Variants in ZNF804A observed in about 807,000 individuals in gnomAD.
The protein encoded by ZNF804A is zinc finger protein 804A.
In ZNF804A, 2 loss-of-function variants were observed where a neutral mutation model predicts 16.5. The ratio of observed to expected loss-of-function variants is 0.12; its 90% CI spans 0.05 to 0.38. ZNF804A has a LOEUF of 0.38. ZNF804A is among the 10% of genes least tolerant of loss of function. ZNF804A has a pLI of 0.99. For missense variants in ZNF804A, 1,473 were observed against 1,390.7 expected, an observed-to-expected ratio of 1.06 and a Z score of -0.94; for synonymous variants, 534 against 489.6, an observed-to-expected ratio of 1.09 and a Z score of -1.20.
At chr2:184,645,182 T>C (rs1385113505) in intron 1 of ZNF804A, among the ~76,000 whole-genome samples, 1 of 152,134 alleles carries the variant, frequency 6.6e-6, no homozygotes, top group African/African-American at 2.4e-5. Flanking sequence ...ATTATTTCTA[T>C]AGTTTCATTT....
chr2:184,797,725 A>T (rs1694655616), intron 1 of ZNF804A, among the ~76,000 whole-genome samples: 1 of 152,040 alleles, frequency 6.6e-6, no homozygotes, highest in Non-Finnish European at 1.5e-5. Context: ...TGCATTCATC[A>T]TGCTATTTGT....
At chr2:184,915,348 G>GTA (rs1339619399) in intron 2 of ZNF804A, among the ~76,000 whole-genome samples, 1 of 151,940 alleles carries the variant, frequency 6.6e-6, no homozygotes, top group Non-Finnish European at 1.5e-5. Context: ...TAGCTGCAAG[G>GTA]TATATCTATA....
intron 1 of ZNF804A, among the ~76,000 whole-genome samples, chr2:184,747,586 T>C (rs1574192979): frequency 1.3e-5 from 2 of 151,298 alleles, no homozygotes; most frequent in African/African-American, 4.8e-5. Context: ...TAATTTAATG[T>C]CATAATTTCT....
intron 1 of ZNF804A, among the ~76,000 whole-genome samples, chr2:184,767,056 G>A (rs1470191126): frequency 6.6e-6 from 1 of 152,134 alleles, no homozygotes; most frequent in Non-Finnish European, 1.5e-5. Context: ...ACAAGCCAAG[G>A]AGAAAGGTCT....
At chr2:184,626,581 A>G (rs547835270) in intron 1 of ZNF804A, among the ~76,000 whole-genome samples, 1 of 152,302 alleles carries the variant, frequency 6.6e-6, no homozygotes, top group South Asian at 2.1e-4. Context: ...CAAGTAAATT[A>G]TTATGTTTAT....
intron 1 of ZNF804A, among the ~76,000 whole-genome samples, chr2:184,628,337 G>T (rs1326123772): frequency 2.6e-5 from 4 of 151,652 alleles, no homozygotes; most frequent in Non-Finnish European, 5.9e-5. Context: ...AGAAAAAAAA[G>T]GTGTAAAGAA....
intron 2 of ZNF804A, among the ~76,000 whole-genome samples, chr2:184,894,932 A>T (rs1272426597): frequency 6.6e-6 from 1 of 151,046 alleles, no homozygotes; most frequent in African/African-American, 2.4e-5. Context: ...TGACTTCGTG[A>T]TCCCCCCACG....
At chr2:184,833,265 T>C (rs1327694843) in intron 1 of ZNF804A, among the ~76,000 whole-genome samples, 1 of 152,178 alleles carries the variant, frequency 6.6e-6, no homozygotes, top group South Asian at 2.1e-4. Flanking sequence ...TTTTTTGGAT[T>C]ATACATTATT....
intron 1 of ZNF804A, among the ~76,000 whole-genome samples, chr2:184,714,140 T>C (rs1051326020): frequency 6.6e-6 from 1 of 152,006 alleles, no homozygotes; most frequent in African/African-American, 2.4e-5. Flanking sequence ...GGTTAATTGT[T>C]AAATCATGTT....
intron 1 of ZNF804A, among the ~76,000 whole-genome samples, chr2:184,815,534 T>A (rs763074188): frequency 6.6e-6 from 1 of 151,870 alleles, no homozygotes; most frequent in Admixed American, 6.6e-5. Context: ...CTACTTGATT[T>A]TATTTTCATG....
At chr2:184,867,261 A>G (rs913150970) in intron 2 of ZNF804A, among the ~76,000 whole-genome samples, 2 of 152,106 alleles carry the variant, frequency 1.3e-5, no homozygotes, top group South Asian at 2.1e-4. Flanking sequence ...AACTTGATAC[A>G]ATACACAGTA....
intron 1 of ZNF804A, among the ~76,000 whole-genome samples, chr2:184,848,551 T>G (rs1383246763): frequency 6.6e-6 from 1 of 152,104 alleles, no homozygotes; most frequent in Non-Finnish European, 1.5e-5. Flanking sequence ...AACAGAGATC[T>G]GCAAGAAGTG....
At position 184,654,415 on chromosome 2, in the gene ZNF804A, A is replaced by C. The variant is rs375899097; in HGVS notation, c.111+55345A>C. On this transcript the variant is annotated intron_variant, in intron 1 of 3. Transcript: ENST00000302277. ...ATTGGGAAGGTGGCTGTCATTGAATACATCCTGACCATATTGCTGATTGCT... is the reference window on the plus strand; with the variant it reads ...ATTGGGAAGGTGGCTGTCATTGAATCCATCCTGACCATATTGCTGATTGCT... 3.9e-4 allele frequency among the ~76,000 whole-genome samples: 60 copies of C among 152,286 alleles called. No individual in the cohort carries two copies. In the East Asian group the frequency reaches 9.5e-3, roughly 24 times the overall value.
In ZNF804A at chr2:184,852,999, T is replaced by C. The variant is rs1007847593; in HGVS notation, c.112-13370T>C. The stretch of plus-strand genomic sequence containing the variant: ...GAAAAATGTCATTGGAATTGTATAA[T>C]AGAGGTGCCATTTAATCTGTAGATC... On this transcript the variant is annotated intron_variant, in intron 1 of 3. Coordinates refer to ENST00000302277, the MANE Select transcript of ZNF804A (RefSeq NM_194250.2). Among the ~76,000 whole-genome samples, 5 of 151,936 alleles carry C rather than the reference T, an allele frequency of 3.3e-5. No homozygotes were observed. In the South Asian group the frequency reaches 6.2e-4, roughly 19 times the overall value.
rs377726048 is a variant in ZNF804A, at chr2:184,694,925, C to T, written c.111+95855C>T. ...GGGAAGTTCTGTTCCTATGGATGTA[C>T]GAATTACACTATAAAGTTGGCCCCA... On this transcript the variant is annotated intron_variant, in intron 1 of 3. Transcript: ENST00000302277. Among the ~76,000 whole-genome samples, 13 of 152,186 alleles carry T rather than the reference C, an allele frequency of 8.5e-5. No individual in the cohort carries two copies. The East Asian group carries it at 1.2e-3, about 14-fold the overall frequency.
At chr2:184,901,598 C>T (rs1446777225) in intron 2 of ZNF804A, among the ~76,000 whole-genome samples, 5 of 152,098 alleles carry the variant, frequency 3.3e-5, no homozygotes, top group African/African-American at 1.2e-4. Flanking sequence ...TCATTGCCAT[C>T]ATTCTTGGTA....
intron 1 of ZNF804A, among the ~76,000 whole-genome samples, chr2:184,630,706 T>A (rs185030869): frequency 1.9e-3 from 283 of 152,234 alleles, no homozygotes; most frequent in Middle Eastern, 3.4e-3. Context: ...CTACTTCCAG[T>A]TTATCAGGCT....
chr2:184,698,454 T>C (rs1692869128), intron 1 of ZNF804A, among the ~76,000 whole-genome samples: 1 of 152,028 alleles, frequency 6.6e-6, no homozygotes. Flanking sequence ...ACATAAAGGC[T>C]CTTATTGGCT....
At chr2:184,727,384 C>T (rs1402006827) in intron 1 of ZNF804A, among the ~76,000 whole-genome samples, 1 of 151,498 alleles carries the variant, frequency 6.6e-6, no homozygotes, top group Non-Finnish European at 1.5e-5. Flanking sequence ...TATTACCAGA[C>T]ATATCAGAGT....
Sources: gnomAD v4.1 joint callset for allele counts (sites outside exome capture counted in the v4.1 genomes callset) on GRCh38, gnomAD v4.1.1 for gene constraint, MANE v1.5 for transcripts, NCBI Gene and HGNC (gene_info 2026-07-23, HGNC 2026-07-21) for gene names.